Variants in MATN3 observed in about 807,000 individuals in gnomAD.
MATN3 encodes the protein matrilin 3.
Under a neutral mutation model 45.3 loss-of-function variants are expected in MATN3, and 48 were observed. The ratio of observed to expected loss-of-function variants is 1.06; its 90% CI spans 0.84 to 1.35. MATN3 has a LOEUF of 1.35. Ranked by LOEUF, MATN3 falls within the 40% of genes most tolerant of loss-of-function variation. The pLI, the probability that MATN3 is intolerant of heterozygous loss-of-function variation, is 0.00. For synonymous variants in MATN3, 217 were observed against 245.9 expected, an observed-to-expected ratio of 0.88 and a Z score of 1.10; for missense variants, 599 against 628.0, an observed-to-expected ratio of 0.95 and a Z score of 0.49.
At chr2:20,003,831 C>T (rs1673040113) in intron 2 of MATN3, among the ~76,000 whole-genome samples, 4 of 152,150 alleles carry the variant, frequency 2.6e-5, no homozygotes, top group Admixed American at 2.6e-4. Context: ...GAGGACAGTT[C>T]GGGTAACTGT....
chr2:20,002,906 C>A (rs1383667207), intron 3 of MATN3, among the ~76,000 whole-genome samples: 2 of 152,136 alleles, frequency 1.3e-5, no homozygotes, highest in Non-Finnish European at 2.9e-5. Context: ...TCAGCCTGGA[C>A]CTCTTTCTTA....
chr2:20,001,878 A>G (rs1037646309), intron 4 of MATN3, 77 bp downstream of exon 4: 3 of 1,418,804 alleles, frequency 2.1e-6, no homozygotes, highest in Non-Finnish European at 1.9e-6. Flanking sequence ...TTCCCAGTCA[A>G]TGTGACCTGC....
intron 5 of MATN3, chr2:19,997,552 T>C (rs752276264): frequency 1.1e-4 from 24 of 211,082 alleles, no homozygotes; most frequent in Non-Finnish European, 2.0e-4. Context: ...GTCTTGACTA[T>C]ATTCCAGAAC....
chr2:20,009,565 G>C (rs970689210), intron 1 of MATN3, among the ~76,000 whole-genome samples: 1 of 152,142 alleles, frequency 6.6e-6, no homozygotes, highest in Non-Finnish European at 1.5e-5. Context: ...GTTGATGGGT[G>C]CAGCAAACCA....
chr2:19,996,879 T>C (rs892813635), intron 6 of MATN3, among the ~76,000 whole-genome samples: 1 of 152,016 alleles, frequency 6.6e-6, no homozygotes, highest in Non-Finnish European at 1.5e-5. Context: ...TTTACCACAA[T>C]AAAAAAAATT....
chr2:20,010,065 ACT>A (rs1558376339), intron 1 of MATN3, among the ~76,000 whole-genome samples: 2,906 of 116,870 alleles, frequency 0.025, 97 homozygotes, highest in Non-Finnish European at 0.046. Flanking sequence ...CTCTTCAAAT[ACT>A]AAAAAAAAAA....
intron 1 of MATN3, among the ~76,000 whole-genome samples, chr2:20,007,534 A>G (rs1405701832): frequency 6.6e-6 from 1 of 152,242 alleles, no homozygotes; most frequent in Non-Finnish European, 1.5e-5. Flanking sequence ...CATCTCAAAA[A>G]AAAAGTAGAA....
Position 19,998,775 on chromosome 2 carries a change from A to ATAT in MATN3, c.1169-1517_1169-1516insATA, listed in dbSNP as rs142563088. Among the ~76,000 whole-genome samples the ATAT allele has an allele frequency of 1.7e-3, 251 of 151,022 alleles. 1 individual carries two copies. Among genetic ancestry groups the ATAT allele is most frequent in the African/African-American group, 5.7e-3 (236 of 41,082 alleles). On this transcript the variant is annotated intron_variant, in intron 5 of 7. Transcript: ENST00000407540. ...TGTCTCAAAAAAGAGAAGAAAAAAA[A>ATAT]ATATATATATATATAACTAACTTTC...
rs1384880034 is a variant in MATN3 at position 20,005,903 on chromosome 2, G to C, written c.631C>G (p.Gln211Glu). 6.2e-7 allele frequency: 1 copy of C among 1,610,918 alleles called. No individual in the cohort carries two copies. Among genetic ancestry groups the C allele is most frequent in the Admixed American group, 1.7e-5 (1 of 59,400 alleles). The change falls in exon 2 of 8, where the codon CAA becomes GAA. Residue 211 changes from glutamine to glutamate, a missense_variant. Transcript: ENST00000407540. ...DQVNEVAARA[Q>E]ASGIELYAVG... The stretch of plus-strand genomic sequence containing the variant: ...GCATAGAGCTCAATACCAGATGCTT[G>C]GGCCCGAGCCGCCACCTCATTCACC...
Position 19,993,094 on chromosome 2 carries a change from T to G in MATN3, c.*17A>C. On this transcript the variant is annotated 3_prime_UTR_variant, in exon 8 of 8. Coordinates refer to ENST00000407540, the MANE Select transcript of MATN3 (RefSeq NM_002381.5). Reference sequence around the variant, plus strand: ...ACACCAAGCTGTCCACATTTTCAGGTGAGAAATTGGAGCAATTTAACGATG... The same window carrying G: ...ACACCAAGCTGTCCACATTTTCAGGGGAGAAATTGGAGCAATTTAACGATG... 6.2e-7 allele frequency: 1 copy of G among 1,605,060 alleles called. No individual in the cohort carries two copies.
rs1672787797 is a variant in MATN3 at position 19,992,938 on chromosome 2, T to A, written c.*173A>T. ...CTGCATATGTATTTCCTTGGAAGAA[T>A]CATGCTGATTCTGCAGAAGATCTTC... On this transcript the variant is annotated 3_prime_UTR_variant, in exon 8 of 8. Coordinates refer to ENST00000407540, the MANE Select transcript of MATN3 (RefSeq NM_002381.5). The A allele has an allele frequency of 3.3e-6, 2 of 608,278 alleles. No individual in the cohort carries two copies. Among genetic ancestry groups the A allele is most frequent in the Non-Finnish European group, 5.8e-6 (2 of 346,936 alleles). The allele number at this position is 608,278 out of a possible 1,614,324, so 37.7% of individuals were successfully genotyped here.
intron 1 of MATN3, among the ~76,000 whole-genome samples, chr2:20,009,153 G>C (rs1476828092): frequency 6.7e-6 from 1 of 149,286 alleles, no homozygotes; most frequent in East Asian, 2.0e-4. Flanking sequence ...TAAAGCTAGA[G>C]AGTCAAGGCT....
At chr2:20,008,767 T>C (rs1176138364) in intron 1 of MATN3, among the ~76,000 whole-genome samples, 1 of 152,102 alleles carries the variant, frequency 6.6e-6, no homozygotes, top group Non-Finnish European at 1.5e-5. Context: ...GTTTCCTGAC[T>C]CCCAGTCCCT....
rs370230700 is a variant in MATN3 at position 20,003,222 on chromosome 2, G to A, written c.855C>T (p.Gly285=). Residue 285 remains glycine (G), a synonymous_variant, in exon 3 of 8, where the codon GGC becomes GGT. Coordinates refer to ENST00000407540, the MANE Select transcript of MATN3 (RefSeq NM_002381.5). ...CQHVCISDGE[G]KHHCECSQGY... Reference sequence around the variant, plus strand: ...CTTGGCTACACTCACAGTGGTGCTTGCCTTCCCCATCACTGATGCAGACGT... The same window carrying A: ...CTTGGCTACACTCACAGTGGTGCTTACCTTCCCCATCACTGATGCAGACGT... 8.1e-6 allele frequency: 13 copies of A among 1,613,854 alleles called. No homozygotes were observed. In the African/African-American group the frequency reaches 1.7e-4, roughly 22 times the overall value.
intron 5 of MATN3, 63 bp downstream of exon 5, chr2:20,000,378 G>A (rs1672960893): frequency 6.9e-7 from 1 of 1,455,544 alleles, no homozygotes; most frequent in Non-Finnish European, 9.4e-7. Flanking sequence ...CTTTGCTGGT[G>A]AGTTGCAAGT....
In MATN3 at chr2:19,995,751, C is replaced by G. The variant is rs1672853708; in HGVS notation, c.1295-1342G>C. Reference sequence around the variant, plus strand: ...GGTCTGAAGACTGGTGTATCATCTTCCAATGGAGTAATTCTATTGCCTGAG... The same window carrying G: ...GGTCTGAAGACTGGTGTATCATCTTGCAATGGAGTAATTCTATTGCCTGAG... On this transcript the variant is annotated intron_variant, in intron 6 of 7. Coordinates refer to ENST00000407540, the MANE Select transcript of MATN3 (RefSeq NM_002381.5). This position sits in a 1 kb window ranked among gnomAD's most constrained non-coding sequence, Gnocchi z 4.2. Among the ~76,000 whole-genome samples, 1 of 152,172 alleles carries G rather than the reference C, an allele frequency of 6.6e-6. No individual in the cohort carries two copies. Among genetic ancestry groups the G allele is most frequent in the Admixed American group, 6.5e-5 (1 of 15,280 alleles).
At chr2:20,002,156 A>G in intron 3 of MATN3, 76 bp from the exon 4 acceptor site, 1 of 1,051,234 alleles carries the variant, frequency 9.5e-7, no homozygotes, top group Non-Finnish European at 1.4e-6. Flanking sequence ...CGCCACTTAC[A>G]GTTATACACA....
chr2:20,007,190 A>G (rs1388110154), intron 1 of MATN3, among the ~76,000 whole-genome samples: 4 of 151,722 alleles, frequency 2.6e-5, no homozygotes. Context: ...CCTGGGCAAC[A>G]GAGCGAGACT....
At chr2:19,998,907 C>G (rs1672931446) in intron 5 of MATN3, among the ~76,000 whole-genome samples, 1 of 152,124 alleles carries the variant, frequency 6.6e-6, no homozygotes, top group African/African-American at 2.4e-5. Flanking sequence ...GAGGAAGTAC[C>G]TGGGTTCAAA....
Sources: allele counts gnomAD v4.1 joint callset (sites outside exome capture counted in the v4.1 genomes callset), GRCh38; gene constraint gnomAD v4.1.1; non-coding constraint Gnocchi (gnomAD v3.1); transcripts MANE v1.5; gene names NCBI Gene and HGNC (gene_info 2026-07-23, HGNC 2026-07-21).